The following PCDH7 variants were observed in gnomAD, a reference collection of about 807,000 sequenced individuals.
The protein encoded by PCDH7 is protocadherin-7.
Under a neutral mutation model 58.9 loss-of-function variants are expected in PCDH7, and 17 were observed. The ratio of observed to expected loss-of-function variants is 0.29; its 90% CI spans 0.20 to 0.43. PCDH7 has a LOEUF of 0.43. Ranked by LOEUF, PCDH7 falls within the 20% of genes least tolerant of loss-of-function variation. The pLI is 1.00. For missense variants in PCDH7, 1,274 were observed against 1,441.0 expected (o/e 0.88, Z 1.88); for synonymous variants, 664 against 616.4 (o/e 1.08, Z -1.14).
At chr4:30,856,249 T>C (rs905505175) in intron 1 of PCDH7, among the ~76,000 whole-genome samples, 9 of 152,130 alleles carry the variant, frequency 5.9e-5, no homozygotes, top group African/African-American at 2.2e-4. Flanking sequence ...CTTTGCTAAG[T>C]CACTATTTTT....
intron 1 of PCDH7, among the ~76,000 whole-genome samples, chr4:30,919,847 C>G (rs984351898): frequency 1.3e-5 from 2 of 152,012 alleles, no homozygotes; most frequent in Admixed American, 6.5e-5. Context: ...GAAGTGAATA[C>G]TATAGAATAG....
At chr4:31,087,204 C>T (rs536895579) in intron 3 of PCDH7, among the ~76,000 whole-genome samples, 4 of 152,164 alleles carry the variant, frequency 2.6e-5, no homozygotes, top group Non-Finnish European at 4.4e-5. Flanking sequence ...TACATCAGTA[C>T]GTCAACTGCT....
intron 2 of PCDH7, among the ~76,000 whole-genome samples, chr4:30,939,179 G>A (rs1745736926): frequency 6.6e-6 from 1 of 152,086 alleles, no homozygotes; most frequent in African/African-American, 2.4e-5. Flanking sequence ...GAAACCCCAA[G>A]CCCTGGGACT....
At chr4:31,052,362 A>T (rs1756824422) in intron 3 of PCDH7, among the ~76,000 whole-genome samples, 1 of 152,172 alleles carries the variant, frequency 6.6e-6, no homozygotes, top group Non-Finnish European at 1.5e-5. Context: ...AACTACACAA[A>T]GGAATGTATC....
chr4:30,910,365 A>G (rs138167207), intron 1 of PCDH7, among the ~76,000 whole-genome samples: 3 of 152,296 alleles, frequency 2.0e-5, no homozygotes, highest in Non-Finnish European at 4.4e-5. Context: ...AAAAGAATCT[A>G]TCAGAGTGAA....
chr4:31,022,655 C>T (rs753034082), intron 3 of PCDH7, among the ~76,000 whole-genome samples: 8 of 152,046 alleles, frequency 5.3e-5, no homozygotes, highest in Non-Finnish European at 7.4e-5. Context: ...ATGTTTAAAC[C>T]TTCCTCCATT....
chr4:31,035,340 G>T (rs2109194118), intron 3 of PCDH7, among the ~76,000 whole-genome samples: 1 of 136,072 alleles, frequency 7.3e-6, no homozygotes, highest in South Asian at 2.2e-4. Flanking sequence ...TGCAACCTCT[G>T]CTTACCGGGT....
intron 3 of PCDH7, among the ~76,000 whole-genome samples, chr4:31,067,911 A>T (rs1276051083): frequency 1.3e-5 from 2 of 151,956 alleles, no homozygotes; most frequent in African/African-American, 2.4e-5. Context: ...CTGAAAGAAT[A>T]TTTTAAGCTT....
At chr4:30,891,061 T>C (rs1315609021) in intron 1 of PCDH7, among the ~76,000 whole-genome samples, 1 of 152,150 alleles carries the variant, frequency 6.6e-6, no homozygotes, top group Non-Finnish European at 1.5e-5. Flanking sequence ...GTACATTCTC[T>C]ATCTGAATTT....
chr4:30,988,366 A>G (rs1751170143), intron 3 of PCDH7, among the ~76,000 whole-genome samples: 1 of 152,230 alleles, frequency 6.6e-6, no homozygotes, highest in Admixed American at 6.5e-5. Flanking sequence ...ATGGGTAGAC[A>G]GAATAGTCAC....
At chr4:30,836,746 G>T (rs549093885) in intron 1 of PCDH7, among the ~76,000 whole-genome samples, 1 of 152,142 alleles carries the variant, frequency 6.6e-6, no homozygotes, top group South Asian at 2.1e-4. Flanking sequence ...CACTCTAGCT[G>T]GTTCAGATCA....
At chr4:31,031,775 T>C (rs924146114) in intron 3 of PCDH7, among the ~76,000 whole-genome samples, 20 of 152,218 alleles carry the variant, frequency 1.3e-4, no homozygotes, top group African/African-American at 4.3e-4. Context: ...ACTAACTCTT[T>C]AGAAGAATAT....
chr4:31,023,335 G>A (rs550115194), intron 3 of PCDH7, among the ~76,000 whole-genome samples: 29 of 152,258 alleles, frequency 1.9e-4, no homozygotes, highest in African/African-American at 5.5e-4. Flanking sequence ...AGGCTCCTGC[G>A]TGTATTTTAT....
intron 1 of PCDH7, among the ~76,000 whole-genome samples, chr4:30,897,184 G>A (rs965352404): frequency 1.3e-5 from 2 of 151,986 alleles, no homozygotes; most frequent in Non-Finnish European, 2.9e-5. Context: ...GATTACAGGC[G>A]TGAGCCACCG....
intron 1 of PCDH7, among the ~76,000 whole-genome samples, chr4:30,889,669 T>C (rs1411747017): frequency 6.6e-6 from 1 of 152,124 alleles, no homozygotes; most frequent in Non-Finnish European, 1.5e-5. Context: ...GTTGAGGACC[T>C]GTTCTTCATA....
intron 3 of PCDH7, among the ~76,000 whole-genome samples, chr4:31,062,119 G>T (rs1364729972): frequency 6.6e-6 from 1 of 151,616 alleles, no homozygotes; most frequent in Non-Finnish European, 1.5e-5. Flanking sequence ...TCATATTAAA[G>T]ATGGTATCTA....
chr4:31,060,978 T>G (rs1757645644), intron 3 of PCDH7, among the ~76,000 whole-genome samples: 1 of 151,706 alleles, frequency 6.6e-6, no homozygotes, highest in African/African-American at 2.4e-5. Flanking sequence ...TTGCTCAAAT[T>G]TATGCCATTT....
At chr4:30,949,361 A>G (rs565113495) in intron 2 of PCDH7, among the ~76,000 whole-genome samples, 2 of 152,234 alleles carry the variant, frequency 1.3e-5, no homozygotes, top group South Asian at 4.1e-4. Context: ...TTTGTTTTGC[A>G]GTGGTAGTAT....
chr4:30,954,794 A>C (rs1483265720), intron 3 of PCDH7, among the ~76,000 whole-genome samples: 5 of 152,164 alleles, frequency 3.3e-5, no homozygotes, highest in African/African-American at 1.2e-4. Flanking sequence ...GAAGACTAGG[A>C]ATTTTATAAA....
Sources: gnomAD v4.1 joint callset for allele counts (sites outside exome capture counted in the v4.1 genomes callset) on GRCh38, gnomAD v4.1.1 for gene constraint, MANE v1.5 for transcripts, NCBI Gene and HGNC (gene_info 2026-07-23, HGNC 2026-07-21) for gene names.